Variants in PCDHA11 observed in about 807,000 individuals in gnomAD.
PCDHA11 encodes protocadherin alpha 11, also known as protocadherin alpha-11.
Under a neutral mutation model 70.3 loss-of-function variants are expected in PCDHA11, and 61 were observed. The observed-to-expected ratio is 0.87, with a 90% CI of 0.71 to 1.07. The LOEUF (loss-of-function observed/expected upper bound fraction) is 1.07. PCDHA11 is among the 50% of genes least tolerant of loss of function. The pLI is 0.00. For synonymous variants in PCDHA11, 633 were observed against 555.1 expected (o/e 1.14, Z -1.97); for missense variants, 1,324 against 1,237.5 (o/e 1.07, Z -1.05).
chr5:140,871,036 C>T lies in PCDHA11; in HGVS notation c.1933C>T (p.Arg645Ter). The change falls in exon 1 of 4, where the codon CGA becomes TGA. Residue 645 changes from arginine to a stop codon, truncating the protein, a stop_gained. Transcript: ENST00000398640. LOFTEE classifies it high-confidence loss of function. ...ALDEADSPRHRLLVLVKDHGE... is the reference protein window; with the variant it reads ...ALDEADSPRH ...GGACGAGGCAGACTCGCCGCGCCAC[C>T]GACTTCTAGTACTGGTGAAGGATCA... The T allele has an allele frequency of 6.2e-7, 1 of 1,613,274 alleles. No homozygotes were observed. The highest frequency in any genetic ancestry group is 8.5e-7 in the Non-Finnish European group (1 of 1,179,840).
chr5:140,871,475 G>A lies in PCDHA11; in HGVS notation c.2372G>A (p.Gly791Glu). 1 of 1,598,972 alleles carries A rather than the reference G, an allele frequency of 6.3e-7. No individual in the cohort carries two copies. Among genetic ancestry groups the A allele is most frequent in the Non-Finnish European group, 8.5e-7 (1 of 1,171,698 alleles). ...GAGGAAGGGGAAAGACAGGAGCCAGGGTCAAATCACCCCGGACAGGTGAGT... is the reference window on the plus strand; with the variant it reads ...GAGGAAGGGGAAAGACAGGAGCCAGAGTCAAATCACCCCGGACAGGTGAGT... ...KEEEGERQEP[G>E]SNHPGQPRQP... The change falls in exon 1 of 4, where the codon GGG (glycine) becomes GAG (glutamate). Residue 791 changes from glycine (G) to glutamate (E), a missense_variant. Transcript: ENST00000398640.
intron 1 of PCDHA11, among the ~76,000 whole-genome samples, chr5:140,898,035 T>G (rs1227571900): frequency 5.9e-5 from 9 of 152,120 alleles, no homozygotes; most frequent in African/African-American, 2.2e-4. Context: ...TTGATGGGGT[T>G]GTTTGTTTTT....
At chr5:140,923,950 C>T (rs544576500) in intron 1 of PCDHA11, among the ~76,000 whole-genome samples, 3 of 152,266 alleles carry the variant, frequency 2.0e-5, no homozygotes, top group Admixed American at 6.5e-5. Flanking sequence ...TTTTTCCTCA[C>T]GCCCTAATCT....
intron 1 of PCDHA11, among the ~76,000 whole-genome samples, chr5:140,953,733 TG>T (rs1449457533): frequency 2.6e-5 from 4 of 152,200 alleles, no homozygotes; most frequent in Admixed American, 6.5e-5. Context: ...TTGAAATTTT[TG>T]CTTAACATTA....
At chr5:140,934,957 G>A (rs2090122349) in intron 1 of PCDHA11, among the ~76,000 whole-genome samples, 1 of 152,250 alleles carries the variant, frequency 6.6e-6, no homozygotes, top group Non-Finnish European at 1.5e-5. Context: ...GATCCCATGT[G>A]CTTGTCACCC....
intron 3 of PCDHA11, among the ~76,000 whole-genome samples, chr5:141,002,460 C>T (rs1554258683): frequency 2.0e-5 from 3 of 152,174 alleles, no homozygotes; most frequent in African/African-American, 7.2e-5. Context: ...ATTTGTATAA[C>T]GCTTTAGCAT....
intron 1 of PCDHA11, among the ~76,000 whole-genome samples, chr5:140,954,350 GA>G (rs1255818394): frequency 6.6e-6 from 1 of 152,156 alleles, no homozygotes; most frequent in Non-Finnish European, 1.5e-5. Context: ...GATCTTTGAG[GA>G]ATCGCCACAC....
chr5:140,996,217 T>C (rs2097717491), intron 3 of PCDHA11, among the ~76,000 whole-genome samples: 1 of 152,192 alleles, frequency 6.6e-6, no homozygotes, highest in South Asian at 2.1e-4. Context: ...TCACTACTTG[T>C]CTAGAAATGG....
chr5:140,884,461 G>A (rs2060188157), intron 1 of PCDHA11: 3 of 1,613,646 alleles, frequency 1.9e-6, no homozygotes, highest in African/African-American at 1.3e-5. Flanking sequence ...CCGAGGGCGC[G>A]TGCGCGCCGG....
rs1231451796 is a variant in PCDHA11, at chr5:140,869,049, G to T, written c.-55G>T. On this transcript the variant is annotated 5_prime_UTR_variant, in exon 1 of 4. Coordinates refer to ENST00000398640, the MANE Select transcript of PCDHA11 (RefSeq NM_018902.5). ...ACGAGATTTTTAACCTGAAACTGAA[G>T]AATCTGGTACTGTAAGTGTAAAGAA... 1.1e-5 allele frequency: 17 copies of T among 1,532,472 alleles called. No homozygotes were observed. The South Asian group carries it at 2.1e-4, about 19-fold the overall frequency. 94.9% of individuals were successfully genotyped at this position (1,532,472 alleles called of 1,614,324 possible).
At chr5:140,950,546 C>G (rs1323652854) in intron 1 of PCDHA11, among the ~76,000 whole-genome samples, 4 of 151,970 alleles carry the variant, frequency 2.6e-5, no homozygotes, top group Non-Finnish European at 4.4e-5. Flanking sequence ...TCTTGCATGG[C>G]TGGGGGGACA....
At chr5:140,877,390 G>C in intron 1 of PCDHA11, 1 of 1,613,986 alleles carries the variant, frequency 6.2e-7, no homozygotes, top group Non-Finnish European at 8.5e-7. Flanking sequence ...CCTGGATGAG[G>C]CGGACGCTCC....
At chr5:140,965,352 T>C (rs1474672624) in intron 1 of PCDHA11, among the ~76,000 whole-genome samples, 1 of 152,166 alleles carries the variant, frequency 6.6e-6, no homozygotes, top group Admixed American at 6.5e-5. Context: ...GTTGCCTCTA[T>C]AGCAGTACAA....
chr5:140,873,837 T>C (rs554313859), intron 1 of PCDHA11, among the ~76,000 whole-genome samples: 1 of 152,210 alleles, frequency 6.6e-6, no homozygotes, highest in South Asian at 2.1e-4. Context: ...ATTTTTGTAT[T>C]TTTAGTAGAG....
intron 1 of PCDHA11, chr5:140,927,374 ACAGCCTAAGCCCCAGT>A: frequency 6.2e-7 from 1 of 1,614,100 alleles, no homozygotes; most frequent in Non-Finnish European, 8.5e-7. Flanking sequence ...ATACTAAGCT[ACAGCCTAAGCCCCAGT>A]CAGCACTTTC....
intron 1 of PCDHA11, among the ~76,000 whole-genome samples, chr5:140,938,299 A>T (rs995168721): frequency 1.3e-5 from 2 of 152,192 alleles, no homozygotes; most frequent in Admixed American, 6.5e-5. Flanking sequence ...TTGCCTATGA[A>T]ATTCAGTATA....
At chr5:140,942,949 G>A (rs1183072564) in intron 1 of PCDHA11, among the ~76,000 whole-genome samples, 10 of 151,942 alleles carry the variant, frequency 6.6e-5, no homozygotes, top group Admixed American at 1.3e-4. Flanking sequence ...AAGTGTAGAC[G>A]TTCTGTTATC....
intron 1 of PCDHA11, chr5:140,877,318 G>A: frequency 6.2e-7 from 1 of 1,614,000 alleles, no homozygotes; most frequent in Non-Finnish European, 8.5e-7. Context: ...ACCGGCGGCG[G>A]TCGGCGCGCA....
rs148906083 is a variant in PCDHA11, at chr5:140,906,715, A to C, written c.2391+35221A>C. ...CTGGGCCATTTGTAGTCCTGCCTGG[A>C]TTGTGCTGTTGTAGTTTCCCATTGA... On this transcript the variant is annotated intron_variant, in intron 1 of 3. Transcript: ENST00000398640. Among the ~76,000 whole-genome samples, 692 of 152,238 alleles carry C rather than the reference A, an allele frequency of 4.5e-3. 12 individuals carry two copies. The highest frequency in any genetic ancestry group is 0.027 in the Middle Eastern group (8 of 294).
Sources: allele counts gnomAD v4.1 joint callset (sites outside exome capture counted in the v4.1 genomes callset), GRCh38; gene constraint gnomAD v4.1.1; transcripts MANE v1.5; gene names NCBI Gene and HGNC (gene_info 2026-07-23, HGNC 2026-07-21).